EVC: variants seen among roughly 807,000 people sequenced by gnomAD.
EVC encodes the protein evC complex member EVC.
Under a neutral mutation model 118.9 loss-of-function variants are expected in EVC, and 116 were observed. That is an observed-to-expected ratio of 0.98 (90% CI 0.84 to 1.14). The LOEUF is 1.14. EVC is among the 50% of genes most tolerant of loss of function. EVC has a pLI of 0.00. For missense variants in EVC, 1,401 were observed against 1,246.4 expected (o/e 1.12, Z -1.87); for synonymous variants, 619 against 534.7 (o/e 1.16, Z -2.18).
chr4:5,712,479 T>C (rs1723204063), intron 1 of EVC, among the ~76,000 whole-genome samples: 1 of 152,190 alleles, frequency 6.6e-6, no homozygotes, highest in South Asian at 2.1e-4. Flanking sequence ...ATAGCAGGCA[T>C]TCCATGAATA....
rs541275420 is a variant in EVC, at chr4:5,809,402, C to A, written c.2689-116C>A. ...GTATGTTGGAAAATTCTCCTCCACA[C>A]GGGAGACGTGGTCTTCAGTGGCCAG... On this transcript the variant is annotated intron_variant, in intron 18 of 20. Coordinates refer to ENST00000264956, the MANE Select transcript of EVC (RefSeq NM_153717.3). 3 of 882,482 alleles carry A rather than the reference C, an allele frequency of 3.4e-6. No homozygotes were observed. In the Admixed American group the frequency reaches 5.4e-5, roughly 16 times the overall value. 54.7% of individuals were successfully genotyped at this position (882,482 alleles called of 1,614,324 possible).
chr4:5,786,408 C>T (rs893118416), intron 12 of EVC, among the ~76,000 whole-genome samples: 2 of 152,088 alleles, frequency 1.3e-5, no homozygotes, highest in African/African-American at 2.4e-5. Flanking sequence ...TGTGAGCATA[C>T]GATTGTGAAT....
chr4:5,745,385 A>G lies in EVC; in HGVS notation c.939+44A>G, dbSNP rs200363737. On this transcript the variant is annotated intron_variant, in intron 7 of 20. Coordinates refer to ENST00000264956, the MANE Select transcript of EVC (RefSeq NM_153717.3). ...TTCCTGTACACAAATTTTGGTTCCT[A>G]AAACAGTTAAATTGGCTACATTAGA... 1.8e-3 allele frequency: 2,895 copies of G among 1,606,456 alleles called. 10 individuals are homozygous for G. Among genetic ancestry groups the G allele is most frequent in the Non-Finnish European group, 1.7e-3 (1,975 of 1,173,432 alleles).
At chr4:5,821,694 C>A in the EVC span, 9 of 1,464,274 alleles carry the variant, frequency 6.1e-6, no homozygotes, top group Non-Finnish European at 8.4e-6. The surrounding 1 kb of genome is among the most constrained non-coding windows in gnomAD (Gnocchi z 4.4). Context: ...TTCAAAAACA[C>A]TGACAGGAAA....
intron 8 of EVC, 46 bp downstream of exon 8, chr4:5,748,352 G>C: frequency 1.2e-6 from 2 of 1,607,200 alleles, no homozygotes; most frequent in South Asian, 1.1e-5. Flanking sequence ...ATTCAGACTA[G>C]AGATATGGAA....
rs1047264452 is a variant in EVC, at chr4:5,793,616, G to A, written c.1785G>A (p.Met595Ile). Residue 595 changes from methionine to isoleucine, a missense_variant, in exon 13 of 21, where the codon ATG becomes ATA. Transcript: ENST00000264956. ...ELLEQDQQVW[M>I]EECALSSVLQ... is the part of the protein sequence containing the mutation. ...CTCTGTCCCGAGTTCAGGTGTGGAT[G>A]GAGGAGTGTGCGCTGTCCAGCGTGC... 1.9e-6 allele frequency: 3 copies of A among 1,551,112 alleles called. 1 individual carries two copies. Among genetic ancestry groups the A allele is most frequent in the Non-Finnish European group, 1.7e-6 (2 of 1,146,962 alleles).
rs1729654379 is a variant in EVC, at chr4:5,748,181, C to T, written c.973C>T (p.Gln325Ter). ...EAFWKQMANI[Q>*]HFLVDQFKCS... ...TTTCTGGAAACAGATGGCAAATATC[C>T]AGCACTTTCTTGTGGACCAGTTTAA... The change falls in exon 8 of 21, where the codon CAG becomes TAG. Residue 325 changes from glutamine to a stop codon, truncating the protein, a stop_gained. Transcript: ENST00000264956. LOFTEE classifies it high-confidence loss of function. 5 of 1,614,182 alleles carry T rather than the reference C, an allele frequency of 3.1e-6. No homozygotes were observed. The highest frequency in any genetic ancestry group is 4.2e-6 in the Non-Finnish European group (5 of 1,180,046).
intron 11 of EVC, among the ~76,000 whole-genome samples, chr4:5,762,217 C>T (rs1732167118): frequency 8.3e-6 from 1 of 120,614 alleles, no homozygotes; most frequent in Non-Finnish European, 1.8e-5. Context: ...CATGTCCCTA[C>T]AAAGGTAATG....
rs1734868765 is a variant in EVC at position 5,777,440 on chromosome 4, G to A, written c.1564-6112G>A. On this transcript the variant is annotated intron_variant, in intron 11 of 20. Transcript: ENST00000264956. Reference sequence around the variant, plus strand: ...AACTTCGGTCCTCTGACAGCGTCAGGCTGTCAAAGGACCTGCTCAGCTGTT... The same window carrying A: ...AACTTCGGTCCTCTGACAGCGTCAGACTGTCAAAGGACCTGCTCAGCTGTT... Among the ~76,000 whole-genome samples, 3 of 152,070 alleles carry A rather than the reference G, an allele frequency of 2.0e-5. 1 individual carries two copies. The highest frequency in any genetic ancestry group is 7.3e-5 in the African/African-American group (3 of 41,356).
chr4:5,728,910 T>C (rs1464683155), intron 2 of EVC, among the ~76,000 whole-genome samples: 1 of 152,220 alleles, frequency 6.6e-6, no homozygotes, highest in African/African-American at 2.4e-5. Context: ...TCTCTTATGA[T>C]AGCATTTGTC....
chr4:5,803,983 C>T (rs931567797), intron 16 of EVC, among the ~76,000 whole-genome samples: 1 of 151,236 alleles, frequency 6.6e-6, no homozygotes, highest in African/African-American at 2.4e-5. Flanking sequence ...CTCAATCGCC[C>T]AGACTGGAGT....
chr4:5,727,480 T>G (rs1245334902), intron 2 of EVC, among the ~76,000 whole-genome samples: 1 of 152,254 alleles, frequency 6.6e-6, no homozygotes, highest in East Asian at 1.9e-4. Context: ...TAGCCCTTTG[T>G]CAGATGAGTA....
intron 11 of EVC, among the ~76,000 whole-genome samples, chr4:5,766,043 G>A (rs6820624): frequency 0.41 from 53,124 of 129,600 alleles, 11,545 homozygotes; most frequent in Admixed American, 0.51. Context: ...GGCTTGTACC[G>A]GTTGTTCCTT....
At chr4:5,817,698 TG>T (rs563473669), downstream of EVC, among the ~76,000 whole-genome samples, 486 of 152,284 alleles carry the variant, frequency 3.2e-3, no homozygotes, top group Non-Finnish European at 4.8e-3. Context: ...CACTCTGCCT[TG>T]GAAAGAGTAA....
chr4:5,797,503 T>C, intron 14 of EVC: 1 of 555,444 alleles, frequency 1.8e-6, no homozygotes, highest in East Asian at 3.1e-5. Flanking sequence ...CCCTGGCTTG[T>C]AGATGACTGT....
chr4:5,729,050 A>T (rs1726345620), intron 2 of EVC, among the ~76,000 whole-genome samples: 1 of 151,806 alleles, frequency 6.6e-6, no homozygotes, highest in Non-Finnish European at 1.5e-5. Context: ...CTACCTATCC[A>T]TCCATCCACC....
At chr4:5,736,487 T>C (rs1035985921) in intron 5 of EVC, among the ~76,000 whole-genome samples, 1 of 150,366 alleles carries the variant, frequency 6.7e-6, no homozygotes, top group African/African-American at 2.4e-5. Flanking sequence ...TTCACTTAAT[T>C]GCGCTTCAGA....
rs183262561 is a variant in EVC at position 5,725,140 on chromosome 4, G to T, written c.301-4167G>T. ...CCACTCTATCAGTGATGGGCTTTTG[G>T]GTTGATTCCATGTCTTTGCTATTGT... On this transcript the variant is annotated intron_variant, in intron 2 of 20. Coordinates refer to ENST00000264956, the MANE Select transcript of EVC (RefSeq NM_153717.3). 1.2e-4 allele frequency among the ~76,000 whole-genome samples: 19 copies of T among 152,166 alleles called. No individual in the cohort carries two copies. In the East Asian group the frequency reaches 3.7e-3, roughly 29 times the overall value.
At chr4:5,787,067 A>G (rs956456389) in intron 12 of EVC, among the ~76,000 whole-genome samples, 1 of 152,212 alleles carries the variant, frequency 6.6e-6, no homozygotes, top group African/African-American at 2.4e-5. Context: ...ATTGTTTTCT[A>G]TCCAAAAAGA....
Sources: allele counts gnomAD v4.1 joint callset (sites outside exome capture counted in the v4.1 genomes callset), GRCh38; gene constraint gnomAD v4.1.1; non-coding constraint Gnocchi (gnomAD v3.1); transcripts MANE v1.5; gene names NCBI Gene and HGNC (gene_info 2026-07-23, HGNC 2026-07-21).